Variants in MYO3B observed in about 807,000 individuals in gnomAD.
MYO3B encodes myosin IIIB, also known as myosin-IIIb.
MYO3B carries 156 observed loss-of-function variants against 174.6 expected under a neutral mutation model. The ratio of observed to expected loss-of-function variants is 0.89; its 90% CI spans 0.78 to 1.02. The LOEUF is 1.02. Ranked by LOEUF, MYO3B falls within the 50% of genes least tolerant of loss-of-function variation. The pLI is 0.00. For synonymous variants in MYO3B, 563 were observed against 569.1 expected (o/e 0.99, Z 0.15); for missense variants, 1,632 against 1,639.4 (o/e 1.00, Z 0.08).
chr2:170,254,217 A>G (rs2093282783), intron 7 of MYO3B, among the ~76,000 whole-genome samples: 1 of 152,124 alleles, frequency 6.6e-6, no homozygotes, highest in South Asian at 2.1e-4. Context: ...CATGATCCCT[A>G]TAGACATTTA....
chr2:170,627,242 G>T (rs904604877), intron 32 of MYO3B, among the ~76,000 whole-genome samples: 1 of 152,082 alleles, frequency 6.6e-6, no homozygotes, highest in Admixed American at 6.5e-5. Context: ...TGGAGGCTTT[G>T]TTCGTTTCTT....
At chr2:170,490,019 G>T (rs62170721) in intron 25 of MYO3B, among the ~76,000 whole-genome samples, 18,026 of 147,950 alleles carry the variant, frequency 0.12, 1,181 homozygotes, top group Middle Eastern at 0.14. Flanking sequence ...TTCATTTTCA[G>T]TTTCTTTTCT....
intron 7 of MYO3B, among the ~76,000 whole-genome samples, chr2:170,329,013 A>G (rs1428307944): frequency 6.6e-6 from 1 of 152,088 alleles, no homozygotes; most frequent in East Asian, 1.9e-4. Flanking sequence ...TTAGCCGGGC[A>G]TGATGGCAGG....
intron 28 of MYO3B, among the ~76,000 whole-genome samples, chr2:170,503,449 G>A (rs927154719): frequency 1.5e-5 from 2 of 134,628 alleles, no homozygotes; most frequent in African/African-American, 5.6e-5. Context: ...GTTTCTTTAA[G>A]GGTGTCTCCC....
At chr2:170,356,675 T>G (rs921311087) in intron 8 of MYO3B, among the ~76,000 whole-genome samples, 10 of 152,300 alleles carry the variant, frequency 6.6e-5, no homozygotes, top group African/African-American at 1.4e-4. Context: ...TGGAGCCATT[T>G]CTATGAAAAC....
intron 20 of MYO3B, 24 bp downstream of exon 20, chr2:170,404,424 C>G (rs1292075270): frequency 6.3e-7 from 1 of 1,586,290 alleles, no homozygotes. Context: ...GAGAAACAGG[C>G]ATATACATTT....
intron 32 of MYO3B, among the ~76,000 whole-genome samples, chr2:170,562,644 T>C (rs1253897217): frequency 6.6e-6 from 1 of 152,232 alleles, no homozygotes; most frequent in African/African-American, 2.4e-5. Flanking sequence ...TGTGAAGATA[T>C]TAAAGATCAG....
intron 7 of MYO3B, among the ~76,000 whole-genome samples, chr2:170,320,315 TG>T (rs945098904): frequency 6.6e-6 from 1 of 152,212 alleles, no homozygotes; most frequent in African/African-American, 2.4e-5. Flanking sequence ...TCCAAAATGT[TG>T]GGATTACAGG....
chr2:170,203,324 T>C (rs959868257), intron 3 of MYO3B, among the ~76,000 whole-genome samples: 10 of 152,194 alleles, frequency 6.6e-5, no homozygotes, highest in African/African-American at 2.4e-4. Context: ...ATGAATCAAG[T>C]GTTCTACTTA....
chr2:170,630,277 C>A (rs1003054853), intron 32 of MYO3B, among the ~76,000 whole-genome samples: 2 of 152,192 alleles, frequency 1.3e-5, no homozygotes, highest in Non-Finnish European at 2.9e-5. Context: ...CGCAGTGGGT[C>A]CCACCCCCAT....
intron 25 of MYO3B, among the ~76,000 whole-genome samples, chr2:170,489,096 G>T (rs1451195860): frequency 6.6e-6 from 1 of 152,204 alleles, no homozygotes; most frequent in African/African-American, 2.4e-5. Context: ...AGCTAGGAAG[G>T]TTTGATAAGT....
In MYO3B at chr2:170,192,111, T is replaced by A. The variant is rs189065944; in HGVS notation, c.3-7097T>A. Among the ~76,000 whole-genome samples, 466 of 152,250 alleles carry A rather than the reference T, an allele frequency of 3.1e-3. 1 individual carries two copies. Among genetic ancestry groups the A allele is most frequent in the African/African-American group, 0.01 (428 of 41,570 alleles). ...TGGAAACCATAAATAGCATTGGAAT[T>A]ATCTTTTTCTTTCTTCATGACCTGG... On this transcript the variant is annotated intron_variant, in intron 1 of 34. Transcript: ENST00000408978.
chr2:170,586,624 A>AT (rs1693514705), intron 32 of MYO3B, among the ~76,000 whole-genome samples: 1 of 152,096 alleles, frequency 6.6e-6, no homozygotes, highest in South Asian at 2.1e-4. Flanking sequence ...ATGGCTCATT[A>AT]TTTTTCATTT....
intron 7 of MYO3B, among the ~76,000 whole-genome samples, chr2:170,244,039 A>G (rs1044146673): frequency 2.0e-5 from 3 of 152,194 alleles, no homozygotes; most frequent in African/African-American, 7.2e-5. Context: ...CTCCACTGCC[A>G]TGATGTCTAC....
rs770408893 is a variant in MYO3B, at chr2:170,391,618, G to C, written c.1676G>C (p.Arg559Thr). The change falls in exon 15 of 35, where the codon AGG becomes ACG. Residue 559 changes from arginine to threonine, a missense_variant and splice_region_variant. By Grantham distance (71) the Arg-to-Thr change is moderately conservative (BLOSUM62 -1). Transcript: ENST00000408978. Reference sequence around the variant, plus strand: ...AGACTTCCTGAGGAAAAACCTCCTAGGTAAGTGTCAGGGGGGTTGGTTGTT... The same window carrying C: ...AGACTTCCTGAGGAAAAACCTCCTACGTAAGTGTCAGGGGGGTTGGTTGTT... ...DFRLPEEKPP[R>T]YIADETGRVM... 1 of 1,546,402 alleles carries C rather than the reference G, an allele frequency of 6.5e-7. No individual in the cohort carries two copies. Among genetic ancestry groups the C allele is most frequent in the South Asian group, 1.2e-5 (1 of 83,670 alleles).
At chr2:170,216,123 C>CTCA (rs1559306707) in intron 5 of MYO3B, among the ~76,000 whole-genome samples, 1 of 15,066 alleles carries the variant, frequency 6.6e-5, no homozygotes, top group Non-Finnish European at 1.2e-4. Context: ...AGAGAATGTC[C>CTCA]GCAGTCATCC....
chr2:170,490,981 T>C (rs1325813821), intron 25 of MYO3B, among the ~76,000 whole-genome samples: 2 of 152,124 alleles, frequency 1.3e-5, no homozygotes, highest in African/African-American at 4.8e-5. Flanking sequence ...GGATAGAGGC[T>C]TACCAATTTT....
At chr2:170,583,334 G>T (rs997723968) in intron 32 of MYO3B, among the ~76,000 whole-genome samples, 11 of 152,064 alleles carry the variant, frequency 7.2e-5, no homozygotes, top group African/African-American at 2.7e-4. Context: ...GTCCTTTCTC[G>T]CTGAGCCTTG....
rs71412032 is a variant in MYO3B at position 170,619,737 on chromosome 2, CTTTTTT to C, written c.3734-31869_3734-31864del. On this transcript the variant is annotated intron_variant, in intron 32 of 34. Transcript: ENST00000408978. ...GATGGCCCATCACTGCTGCCATATT[CTTTTTT>C]TTTTTTTTTTTTTTTTTTTTTGAGA... is the stretch of plus-strand genomic sequence containing the variant. Among the ~76,000 whole-genome samples the C allele has an allele frequency of 3.1e-3, 156 of 50,772 alleles. 1 individual carries two copies. The highest frequency in any genetic ancestry group is 0.011 in the African/African-American group (128 of 12,070). The allele number at this position is 50,772 out of a possible 152,430, so 33.3% of individuals were successfully genotyped here. A position where few individuals can be genotyped will look rare whatever the true frequency, so the allele number is the denominator to read the frequency against.
Sources: gnomAD v4.1 joint callset for allele counts (sites outside exome capture counted in the v4.1 genomes callset) on GRCh38, gnomAD v4.1.1 for gene constraint, MANE v1.5 for transcripts, NCBI Gene and HGNC (gene_info 2026-07-23, HGNC 2026-07-21) for gene names.